Variants in CNTN1 observed in about 807,000 individuals in gnomAD.
CNTN1 encodes the protein contactin 1.
In CNTN1, 38 loss-of-function variants were observed where a neutral mutation model predicts 126.4. That is an observed-to-expected ratio of 0.30 (90% CI 0.23 to 0.39). CNTN1 has a LOEUF of 0.39. CNTN1 is among the 10% of genes least tolerant of loss of function. The pLI is 1.00. For synonymous variants in CNTN1, 413 were observed against 422.6 expected (o/e 0.98, Z 0.28); for missense variants, 1,009 against 1,248.4 (o/e 0.81, Z 2.89).
At chr12:40,841,324 T>C (rs1451220693) in intron 1 of CNTN1, among the ~76,000 whole-genome samples, 1 of 152,002 alleles carries the variant, frequency 6.6e-6, no homozygotes, top group African/African-American at 2.4e-5. Context: ...CTGTATCAGA[T>C]GGAATCACAG....
At chr12:40,758,884 TTA>T (rs59939375) in intron 1 of CNTN1, among the ~76,000 whole-genome samples, 147,799 of 150,720 alleles carry the variant, frequency 0.98, 72,486 homozygotes, top group Middle Eastern at 1. Flanking sequence ...GATTCAGGTT[TTA>T]TATATATATA....
intron 1 of CNTN1, among the ~76,000 whole-genome samples, chr12:40,875,807 A>T (rs555935570): frequency 6.6e-6 from 1 of 152,252 alleles, no homozygotes; most frequent in South Asian, 2.1e-4. Context: ...GCTATTAAAT[A>T]TAAGCTTCTA....
At position 40,789,682 on chromosome 12, in the gene CNTN1, CCTAA is replaced by C; in HGVS notation, c.-77+97091_-77+97094del. ...TTGAGATATTTTGAGTTCATATATA[CCTAA>C]ATTTTAATATCCTATTTTTTACTTC... On this transcript the variant is annotated intron_variant, in intron 1 of 23. Coordinates refer to ENST00000551295, the MANE Select transcript of CNTN1 (RefSeq NM_001843.4). Among the ~76,000 whole-genome samples, 2 of 1,634 alleles carry C rather than the reference CCTAA, an allele frequency of 1.2e-3. 1 individual carries two copies. The highest frequency in any genetic ancestry group is 0.05 in the East Asian group (2 of 40). 1.1% of individuals were successfully genotyped at this position (1,634 alleles called of 152,430 possible). A position where few individuals can be genotyped will look rare whatever the true frequency, so the allele number is the denominator to read the frequency against.
intron 1 of CNTN1, among the ~76,000 whole-genome samples, chr12:40,821,197 A>T (rs940828406): frequency 1.3e-5 from 2 of 152,214 alleles, no homozygotes; most frequent in Admixed American, 6.5e-5. Flanking sequence ...TAAATGTGTT[A>T]CTAGAGAAGC....
intron 1 of CNTN1, among the ~76,000 whole-genome samples, chr12:40,890,568 C>T (rs981902168): frequency 2.6e-5 from 4 of 151,942 alleles, no homozygotes; most frequent in African/African-American, 9.7e-5. Context: ...GTGGTGTTGC[C>T]TTTTCCAGAA....
intron 15 of CNTN1, among the ~76,000 whole-genome samples, chr12:40,977,099 A>G (rs760699206): frequency 6.6e-6 from 1 of 152,130 alleles, no homozygotes; most frequent in Non-Finnish European, 1.5e-5. Flanking sequence ...TGAGATATCA[A>G]TCAACACATG....
chr12:40,703,687 G>A (rs754361777), intron 1 of CNTN1, among the ~76,000 whole-genome samples: 10 of 152,166 alleles, frequency 6.6e-5, no homozygotes, highest in Non-Finnish European at 1.5e-4. Context: ...ATGTAAAGGG[G>A]CCTGTTTCCT....
intron 23 of CNTN1, among the ~76,000 whole-genome samples, chr12:41,041,867 C>G (rs935761597): frequency 2.0e-5 from 3 of 152,064 alleles, no homozygotes; most frequent in African/African-American, 7.2e-5. Context: ...AAAAAACTAG[C>G]TCCTGGGGGC....
intron 12 of CNTN1, among the ~76,000 whole-genome samples, chr12:40,941,890 C>CA (rs1251237543): frequency 1.3e-5 from 2 of 151,642 alleles, no homozygotes; most frequent in South Asian, 2.1e-4. Flanking sequence ...AGAATTATTA[C>CA]AAAAAAATCA....
rs555975147 is a variant in CNTN1, at chr12:40,975,411, C to T, written c.1805-5498C>T. Among the ~76,000 whole-genome samples the T allele has an allele frequency of 3.3e-3, 506 of 151,850 alleles. 4 individuals are homozygous for T. Among genetic ancestry groups the T allele is most frequent in the African/African-American group, 8.1e-3 (336 of 41,432 alleles). ...CAGAATGACAGGAGATCATTCAGGC[C>T]GTTTCCCCAGTCCTTTACTAGGTTA... On this transcript the variant is annotated intron_variant, in intron 15 of 23. Coordinates refer to ENST00000551295, the MANE Select transcript of CNTN1 (RefSeq NM_001843.4).
chr12:41,057,858 C>T (rs994474785), intron 23 of CNTN1, among the ~76,000 whole-genome samples: 3 of 151,962 alleles, frequency 2.0e-5, no homozygotes, highest in African/African-American at 7.2e-5. Flanking sequence ...GGTGAAGAGT[C>T]GTGAGAGATT....
At chr12:40,916,582 T>C (rs907534864) in intron 3 of CNTN1, among the ~76,000 whole-genome samples, 3 of 151,998 alleles carry the variant, frequency 2.0e-5, no homozygotes, top group African/African-American at 7.2e-5. Context: ...AGTAAAAGTA[T>C]TAGAAGTGAA....
At chr12:40,713,519 TATTG>T (rs1156768387) in intron 1 of CNTN1, among the ~76,000 whole-genome samples, 22 of 151,804 alleles carry the variant, frequency 1.4e-4, no homozygotes, top group Admixed American at 1.4e-3. Flanking sequence ...GCTAATAACC[TATTG>T]ATTATTTGGA....
chr12:40,764,375 G>C (rs1005966071), intron 1 of CNTN1, among the ~76,000 whole-genome samples: 1 of 152,170 alleles, frequency 6.6e-6, no homozygotes, highest in Non-Finnish European at 1.5e-5. Context: ...ATGCTGAGAT[G>C]AACTAATGGA....
At chr12:40,892,878 T>C (rs1354453448) in intron 1 of CNTN1, among the ~76,000 whole-genome samples, 1 of 145,546 alleles carries the variant, frequency 6.9e-6, no homozygotes, top group Non-Finnish European at 1.5e-5. Flanking sequence ...TTCAGCACAA[T>C]ATCAATCATT....
chr12:40,879,006 A>G (rs1943780901), intron 1 of CNTN1, among the ~76,000 whole-genome samples: 1 of 152,152 alleles, frequency 6.6e-6, no homozygotes, highest in African/African-American at 2.4e-5. Flanking sequence ...AATATTACAA[A>G]AATAAAATCA....
chr12:40,860,122 C>T (rs930859107), intron 1 of CNTN1, among the ~76,000 whole-genome samples: 2 of 152,052 alleles, frequency 1.3e-5, no homozygotes, highest in Admixed American at 1.3e-4. Flanking sequence ...TTTTTAAACT[C>T]ATTAGGCTCA....
chr12:40,984,935 A>T (rs1190218554), intron 16 of CNTN1, among the ~76,000 whole-genome samples: 1 of 152,078 alleles, frequency 6.6e-6, no homozygotes, highest in East Asian at 1.9e-4. Context: ...TAGAAGAAAA[A>T]ATAAGTATTT....
intron 14 of CNTN1, among the ~76,000 whole-genome samples, chr12:40,951,843 G>C (rs1187518807): frequency 6.6e-6 from 1 of 151,452 alleles, no homozygotes; most frequent in Non-Finnish European, 1.5e-5. Context: ...TTGATGAGTT[G>C]AGTAGTATTG....
Sources: gnomAD v4.1 joint callset for allele counts (sites outside exome capture counted in the v4.1 genomes callset) on GRCh38, gnomAD v4.1.1 for gene constraint, MANE v1.5 for transcripts, NCBI Gene and HGNC (gene_info 2026-07-23, HGNC 2026-07-21) for gene names.